KCNMB2: variants seen among roughly 807,000 people sequenced by gnomAD.
KCNMB2 encodes the protein calcium-activated potassium channel subunit beta-2.
A neutral mutation model predicts 24.5 loss-of-function variants in KCNMB2; 9 were observed. The ratio of observed to expected loss-of-function variants is 0.37; its 90% CI spans 0.22 to 0.64. The LOEUF (loss-of-function observed/expected upper bound fraction) is 0.64, where lower values mean the gene tolerates loss of function less well. KCNMB2 is among the 30% of genes least tolerant of loss of function. The pLI is 0.63. For missense variants in KCNMB2, 226 were observed against 284.3 expected (o/e 0.79, Z 1.47); for synonymous variants, 109 against 104.4 (o/e 1.04, Z -0.27).
At chr3:178,704,821 T>A (rs766346180) in intron 1 of KCNMB2, among the ~76,000 whole-genome samples, 3 of 152,080 alleles carry the variant, frequency 2.0e-5, no homozygotes, top group Non-Finnish European at 4.4e-5. Context: ...ATTCACAGGG[T>A]CGTTTCATTA....
chr3:178,660,039 C>G (rs59181084), intron 1 of KCNMB2, among the ~76,000 whole-genome samples: 1 of 152,142 alleles, frequency 6.6e-6, no homozygotes, highest in African/African-American at 2.4e-5. Context: ...CTATATCAAG[C>G]GTCAGCCATT....
intron 1 of KCNMB2, among the ~76,000 whole-genome samples, chr3:178,639,523 G>A (rs1011967203): frequency 2.6e-5 from 4 of 151,978 alleles, no homozygotes; most frequent in African/African-American, 9.7e-5. Flanking sequence ...TCTACAAGAT[G>A]GTTAAATAAT....
At position 178,634,048 on chromosome 3, in the gene KCNMB2, A is replaced by T. The variant is rs572841942; in HGVS notation, c.-68+97337A>T. Among the ~76,000 whole-genome samples the T allele has an allele frequency of 4.9e-4, 74 of 152,298 alleles. 1 individual carries two copies. Among genetic ancestry groups the T allele is most frequent in the African/African-American group, 1.7e-3 (70 of 41,560 alleles). On this transcript the variant is annotated intron_variant, in intron 1 of 4. Coordinates refer to ENST00000452583, the MANE Select transcript of KCNMB2 (RefSeq NM_181361.3). ...CCTTGGCCTGGACTTTATTGTCCAT[A>T]TCACTATCACAATTCTGGTCAAAGC... is the stretch of plus-strand genomic sequence containing the variant.
chr3:178,652,803 C>T (rs2108561338), intron 1 of KCNMB2, among the ~76,000 whole-genome samples: 1 of 151,744 alleles, frequency 6.6e-6, no homozygotes, highest in South Asian at 2.1e-4. Flanking sequence ...GCTGGGATTA[C>T]AAGCATGTGC....
At chr3:178,780,831 A>G (rs1217640825) in intron 1 of KCNMB2, among the ~76,000 whole-genome samples, 1 of 152,226 alleles carries the variant, frequency 6.6e-6, no homozygotes, top group Non-Finnish European at 1.5e-5. Context: ...CATAAGACCT[A>G]TTACATACCA....
At position 178,675,820 on chromosome 3, in the gene KCNMB2, G is replaced by C. The variant is rs748213293; in HGVS notation, c.-67-131523G>C. Among the ~76,000 whole-genome samples the C allele has an allele frequency of 6.6e-5, 10 of 152,302 alleles. No individual in the cohort carries two copies. The East Asian group carries it at 1.9e-3, about 29-fold the overall frequency. ...TGGCTAGAGGAGTCTCTGGCCTCCT[G>C]TCAGACAGAGAGAAACATGCTTCTT... On this transcript the variant is annotated intron_variant, in intron 1 of 4. Coordinates refer to ENST00000452583, the MANE Select transcript of KCNMB2 (RefSeq NM_181361.3).
At chr3:178,694,104 C>T (rs372935163) in intron 1 of KCNMB2, among the ~76,000 whole-genome samples, 8 of 152,040 alleles carry the variant, frequency 5.3e-5, no homozygotes, top group African/African-American at 1.2e-4. Flanking sequence ...GGAGGCCTCA[C>T]GAAACTTATA....
At chr3:178,713,596 T>C (rs998181842) in intron 1 of KCNMB2, among the ~76,000 whole-genome samples, 4 of 152,194 alleles carry the variant, frequency 2.6e-5, no homozygotes, top group African/African-American at 9.7e-5. Context: ...AGTAGACTCC[T>C]GCTCTGCCAG....
chr3:178,771,811 C>T (rs1712379233), intron 1 of KCNMB2, among the ~76,000 whole-genome samples: 2 of 152,152 alleles, frequency 1.3e-5, no homozygotes, highest in South Asian at 4.1e-4. Context: ...AGATCCCTTA[C>T]CCCTGATCTC....
At chr3:178,676,286 G>A (rs943604265) in intron 1 of KCNMB2, among the ~76,000 whole-genome samples, 1 of 152,288 alleles carries the variant, frequency 6.6e-6, no homozygotes, top group Middle Eastern at 3.4e-3. Context: ...CAGTGGGCAC[G>A]AATGATAAAG....
intron 1 of KCNMB2, among the ~76,000 whole-genome samples, chr3:178,677,577 C>T (rs1721112971): frequency 6.6e-6 from 1 of 152,222 alleles, no homozygotes; most frequent in African/African-American, 2.4e-5. Flanking sequence ...ACATGTGTTT[C>T]ACTTCCCAGC....
At chr3:178,800,720 G>C (rs1215506663) in intron 1 of KCNMB2, among the ~76,000 whole-genome samples, 1 of 152,150 alleles carries the variant, frequency 6.6e-6, no homozygotes, top group Non-Finnish European at 1.5e-5. Flanking sequence ...AGACATACCT[G>C]TACTACCACG....
intron 1 of KCNMB2, among the ~76,000 whole-genome samples, chr3:178,544,751 A>G (rs959250533): frequency 2.0e-5 from 3 of 152,182 alleles, no homozygotes; most frequent in Non-Finnish European, 4.4e-5. Context: ...AGTTTTCAAC[A>G]AATCTATCTG....
chr3:178,674,055 ACT>A (rs1720991468), intron 1 of KCNMB2, among the ~76,000 whole-genome samples: 1 of 151,726 alleles, frequency 6.6e-6, no homozygotes, highest in South Asian at 2.1e-4. Context: ...GACACCATTG[ACT>A]CTGTCCCCTC....
intron 1 of KCNMB2, among the ~76,000 whole-genome samples, chr3:178,736,249 G>A (rs964308924): frequency 9.2e-5 from 14 of 152,146 alleles, no homozygotes; most frequent in Admixed American, 8.5e-4. Context: ...TCTATGTCAT[G>A]CTGCTTATGA....
At chr3:178,679,920 A>G (rs1721207604) in intron 1 of KCNMB2, among the ~76,000 whole-genome samples, 1 of 152,024 alleles carries the variant, frequency 6.6e-6, no homozygotes, top group African/African-American at 2.4e-5. Context: ...CCCCATTCAC[A>G]AAGTGCTCTG....
At chr3:178,782,773 T>C (rs1460682726) in intron 1 of KCNMB2, among the ~76,000 whole-genome samples, 1 of 151,504 alleles carries the variant, frequency 6.6e-6, no homozygotes, top group Non-Finnish European at 1.5e-5. Context: ...TTTCTTTTGC[T>C]GTGCAGAAGC....
chr3:178,662,648 T>C (rs544375033), intron 1 of KCNMB2, among the ~76,000 whole-genome samples: 15 of 152,266 alleles, frequency 9.9e-5, no homozygotes, highest in African/African-American at 3.6e-4. Flanking sequence ...TTGTGGATAA[T>C]AATATCTCAC....
At chr3:178,633,236 C>A (rs1719386428) in intron 1 of KCNMB2, among the ~76,000 whole-genome samples, 1 of 152,186 alleles carries the variant, frequency 6.6e-6, no homozygotes, top group South Asian at 2.1e-4. Context: ...GCCCTCTTCT[C>A]ACAGATCCAC....
Sources: gnomAD v4.1 joint callset for allele counts (sites outside exome capture counted in the v4.1 genomes callset) on GRCh38, gnomAD v4.1.1 for gene constraint, MANE v1.5 for transcripts, NCBI Gene and HGNC (gene_info 2026-07-23, HGNC 2026-07-21) for gene names.